Variants in MICU2 observed in about 807,000 individuals in gnomAD.
MICU2 encodes calcium uptake protein 2, mitochondrial.
MICU2 carries 64 observed loss-of-function variants against 60.4 expected under a neutral mutation model. The observed-to-expected ratio is 1.06, with a 90% confidence interval of 0.87 to 1.31. The LOEUF (loss-of-function observed/expected upper bound fraction) is 1.31. MICU2 is among the 50% of genes most tolerant of loss of function. MICU2 has a pLI of 0.00. For synonymous variants in MICU2, 201 were observed against 175.0 expected, an observed-to-expected ratio of 1.15 and a Z score of -1.17; for missense variants, 569 against 531.0, an observed-to-expected ratio of 1.07 and a Z score of -0.70.
chr13:21,560,900 G>C lies in MICU2; in HGVS notation c.358+5897C>G, dbSNP rs2138032032. On this transcript the variant is annotated intron_variant, in intron 2 of 11. Transcript: ENST00000382374. ...TTCAAAACTATTCTTTTTCTGACTG[G>C]TCCTGTAAGGTTTTAAATTTTCCAC... Among the ~76,000 whole-genome samples, 3 of 152,172 alleles carry C rather than the reference G, an allele frequency of 2.0e-5. No homozygotes were observed. In the South Asian group the frequency reaches 6.2e-4, roughly 32 times the overall value.
chr13:21,527,730 A>C (rs755185452), intron 4 of MICU2, among the ~76,000 whole-genome samples: 6 of 152,254 alleles, frequency 3.9e-5, no homozygotes, highest in Non-Finnish European at 7.3e-5. Flanking sequence ...TATGTTTAAA[A>C]GTTTGTTAAA....
At chr13:21,603,819 G>A (rs553771841) in intron 1 of MICU2, 120 bp downstream of exon 1, 30 of 1,147,466 alleles carry the variant, frequency 2.6e-5, no homozygotes, top group African/African-American at 2.4e-4. Flanking sequence ...GCTCCGATCC[G>A]CAGCGGCACC....
chr13:21,547,931 T>C (rs1887454442), intron 2 of MICU2, among the ~76,000 whole-genome samples: 1 of 152,072 alleles, frequency 6.6e-6, no homozygotes, highest in East Asian at 1.9e-4. Flanking sequence ...GAGATATAGG[T>C]ATGAAAATCA....
intron 4 of MICU2, among the ~76,000 whole-genome samples, chr13:21,532,801 C>T (rs1300589252): frequency 6.6e-6 from 1 of 152,034 alleles, no homozygotes; most frequent in Admixed American, 6.6e-5. Flanking sequence ...ACAGTGTCCA[C>T]GGTGGAGTGG....
intron 4 of MICU2, among the ~76,000 whole-genome samples, chr13:21,536,077 T>A (rs751090996): frequency 2.6e-5 from 4 of 152,140 alleles, no homozygotes; most frequent in Non-Finnish European, 4.4e-5. Context: ...TATAGGGATG[T>A]TCTGGTGCTA....
intron 9 of MICU2, among the ~76,000 whole-genome samples, chr13:21,496,826 C>T (rs1300398933): frequency 1.3e-5 from 2 of 152,030 alleles, no homozygotes; most frequent in Non-Finnish European, 2.9e-5. Flanking sequence ...GAGGCGGAGG[C>T]GGGCGGATCA....
Position 21,495,238 on chromosome 13 carries a change from C to A in MICU2, c.1123G>T (p.Asp375Tyr). ...CTAAGACATTCATCACCATCCAAATCAAAGATCTTAAAGACAGTGTCCAAA... is the reference window on the plus strand; with the variant it reads ...CTAAGACATTCATCACCATCCAAATAAAAGATCTTAAAGACAGTGTCCAAA... ...NILDTVFKIF[D>Y]LDGDECLSHE... Residue 375 changes from aspartate (D) to tyrosine (Y), a missense_variant, in exon 11 of 12, where the codon GAT (aspartate) becomes TAT (tyrosine). By Grantham distance (160) the Asp-to-Tyr change is radical. Transcript: ENST00000382374. The A allele has an allele frequency of 6.2e-7, 1 of 1,613,550 alleles. No homozygotes were observed. Among genetic ancestry groups the A allele is most frequent in the Admixed American group, 1.7e-5 (1 of 59,964 alleles).
intron 1 of MICU2, among the ~76,000 whole-genome samples, chr13:21,593,509 AAAC>A: frequency 6.6e-6 from 1 of 151,366 alleles, no homozygotes; most frequent in South Asian, 2.1e-4. Context: ...ATTAAAAAAA[AAAC>A]ACAAAAACTA....
At chr13:21,519,451 T>C (rs1886661695) in intron 6 of MICU2, among the ~76,000 whole-genome samples, 1 of 152,178 alleles carries the variant, frequency 6.6e-6, no homozygotes, top group Admixed American at 6.5e-5. Flanking sequence ...TATCCTGCAC[T>C]CTCTGGGCTC....
chr13:21,509,693 T>G (rs950953136), intron 8 of MICU2, among the ~76,000 whole-genome samples: 2 of 152,262 alleles, frequency 1.3e-5, no homozygotes, highest in African/African-American at 4.8e-5. Context: ...TGGGTTGGTT[T>G]GTTTCGCCTA....
At chr13:21,531,200 A>G in intron 4 of MICU2, 1 of 957,192 alleles carries the variant, frequency 1.0e-6, no homozygotes, top group Non-Finnish European at 1.7e-6. Flanking sequence ...ATAAAGCATT[A>G]GAGTTATGTG....
chr13:21,495,784 T>C (rs531265171), intron 10 of MICU2: 67 of 285,778 alleles, frequency 2.3e-4, no homozygotes, highest in African/African-American at 1.5e-3. Flanking sequence ...TCCGCCCACC[T>C]TGGACTCCCA....
chr13:21,558,158 A>G (rs1887753488), intron 2 of MICU2, among the ~76,000 whole-genome samples: 3 of 152,260 alleles, frequency 2.0e-5, no homozygotes, highest in South Asian at 4.1e-4. Context: ...TTTAGTGCCA[A>G]GCTGGATTAT....
intron 2 of MICU2, among the ~76,000 whole-genome samples, chr13:21,565,379 T>C (rs1887954755): frequency 6.6e-6 from 1 of 151,922 alleles, no homozygotes; most frequent in African/African-American, 2.4e-5. Flanking sequence ...AACACAAGGC[T>C]GGGCGCGGTG....
At chr13:21,523,534 T>C (rs1271825800) in intron 4 of MICU2, among the ~76,000 whole-genome samples, 2 of 152,260 alleles carry the variant, frequency 1.3e-5, no homozygotes, top group Non-Finnish European at 2.9e-5. Context: ...AGTAACTTGA[T>C]TTTTCCTTTG....
At chr13:21,518,300 A>G (rs750544370) in intron 6 of MICU2, among the ~76,000 whole-genome samples, 5 of 152,202 alleles carry the variant, frequency 3.3e-5, no homozygotes, top group Non-Finnish European at 5.9e-5. Flanking sequence ...CTGTGAAAAC[A>G]ACAACAACGA....
At chr13:21,505,515 A>C (rs1200739575) in intron 8 of MICU2, among the ~76,000 whole-genome samples, 1 of 152,186 alleles carries the variant, frequency 6.6e-6, no homozygotes, top group Non-Finnish European at 1.5e-5. Context: ...ATTAAATTAC[A>C]CTGTGGTTTT....
chr13:21,540,976 T>C (rs1398836389), intron 2 of MICU2, among the ~76,000 whole-genome samples: 2 of 152,188 alleles, frequency 1.3e-5, no homozygotes, highest in Non-Finnish European at 2.9e-5. Flanking sequence ...TTTCTATGCT[T>C]GTCCTAAAGT....
intron 4 of MICU2, among the ~76,000 whole-genome samples, chr13:21,526,998 T>A (rs1205575012): frequency 1.3e-5 from 2 of 152,222 alleles, no homozygotes; most frequent in African/African-American, 4.8e-5. Context: ...TATTAGATGA[T>A]TCCATGTTTT....
Sources: allele counts gnomAD v4.1 joint callset (sites outside exome capture counted in the v4.1 genomes callset), GRCh38; gene constraint gnomAD v4.1.1; transcripts MANE v1.5; gene names NCBI Gene and HGNC (gene_info 2026-07-23, HGNC 2026-07-21).